Variants in PRDM5 observed in about 807,000 individuals in gnomAD.
PRDM5 encodes PR domain zinc finger protein 5.
In PRDM5, 56 loss-of-function variants were observed where a neutral mutation model predicts 81.2. That is an observed-to-expected ratio of 0.69 (90% CI 0.56 to 0.86). The LOEUF is 0.86. Among genes scored for constraint, PRDM5 ranks in the 40% least tolerant of loss-of-function variants. The pLI is 0.00. For missense variants in PRDM5, 697 were observed against 770.1 expected, an observed-to-expected ratio of 0.91 and a Z score of 1.12; for synonymous variants, 267 against 256.4, an observed-to-expected ratio of 1.04 and a Z score of -0.39.
At chr4:120,830,530 G>C (rs928080148) in intron 3 of PRDM5, among the ~76,000 whole-genome samples, 2 of 151,980 alleles carry the variant, frequency 1.3e-5, no homozygotes, top group Non-Finnish European at 2.9e-5. Flanking sequence ...TTGTTCGTTG[G>C]AGCGGTCTTC....
chr4:120,737,003 A>G (rs1301917036), intron 14 of PRDM5, among the ~76,000 whole-genome samples: 1 of 152,186 alleles, frequency 6.6e-6, no homozygotes, highest in Non-Finnish European at 1.5e-5. Flanking sequence ...GTCCTACAAC[A>G]GCAATAAGTA....
At chr4:120,879,638 T>C (rs952802872) in intron 2 of PRDM5, among the ~76,000 whole-genome samples, 1 of 152,202 alleles carries the variant, frequency 6.6e-6, no homozygotes. Flanking sequence ...ATAATACACA[T>C]AACATACAAA....
intron 2 of PRDM5, among the ~76,000 whole-genome samples, chr4:120,900,834 A>G (rs1329047601): frequency 6.6e-6 from 1 of 152,226 alleles, no homozygotes; most frequent in East Asian, 1.9e-4. Flanking sequence ...CTTAAAAAAA[A>G]GTTTGTTTCA....
chr4:120,837,298 T>C (rs1222001333), intron 3 of PRDM5: 2 of 152,262 alleles, frequency 1.3e-5, no homozygotes, highest in East Asian at 3.8e-4. Flanking sequence ...TCTCATTTCA[T>C]AAGCATGGAT....
rs541687915 is a variant in PRDM5, at chr4:120,715,855, A to G, written c.1624-5442T>C. Among the ~76,000 whole-genome samples, 6 of 152,342 alleles carry G rather than the reference A, an allele frequency of 3.9e-5. No homozygotes were observed. In the South Asian group the frequency reaches 1.0e-3, roughly 26 times the overall value. On this transcript the variant is annotated intron_variant, in intron 14 of 15. Transcript: ENST00000264808. ...TCAAAATGCCACCCTAAGAGCAAGA[A>G]GAGGTATCAGGGAAGAAAAGGCAAT...
chr4:120,753,626 G>A (rs923700516), intron 14 of PRDM5, among the ~76,000 whole-genome samples: 3 of 151,868 alleles, frequency 2.0e-5, no homozygotes, highest in Admixed American at 1.3e-4. Context: ...TTATTTTATA[G>A]CTAAGGTAAA....
At chr4:120,695,399 T>C (rs1458338684) in intron 15 of PRDM5, 124 bp from the exon 16 acceptor site, 7 of 1,078,142 alleles carry the variant, frequency 6.5e-6, no homozygotes, top group Admixed American at 2.1e-5. Context: ...GTGTCCTTTG[T>C]ACCCGAGTCA....
chr4:120,711,686 T>C (rs1737008987), intron 14 of PRDM5, among the ~76,000 whole-genome samples: 1 of 152,090 alleles, frequency 6.6e-6, no homozygotes, highest in African/African-American at 2.4e-5. Flanking sequence ...AAATGAGGCA[T>C]TTTTATTATA....
At chr4:120,834,196 A>G (rs1757068362) in intron 3 of PRDM5, among the ~76,000 whole-genome samples, 1 of 152,152 alleles carries the variant, frequency 6.6e-6, no homozygotes, top group Non-Finnish European at 1.5e-5. Flanking sequence ...TGTTCATTTG[A>G]TCAATGTGAT....
At chr4:120,860,571 T>C (rs1579020170) in intron 2 of PRDM5, among the ~76,000 whole-genome samples, 2 of 152,204 alleles carry the variant, frequency 1.3e-5, no homozygotes, top group East Asian at 1.9e-4. Context: ...TAGGCTTTTT[T>C]ATCACATGAA....
intron 7 of PRDM5, chr4:120,816,036 G>A (rs973673370): frequency 4.6e-6 from 1 of 217,658 alleles, no homozygotes; most frequent in Admixed American, 5.3e-5. Flanking sequence ...TAACTTAGGA[G>A]AACTGTATTT....
In PRDM5 at chr4:120,795,363, A is replaced by G. The variant is rs150792351; in HGVS notation, c.1188+2904T>C. On this transcript the variant is annotated intron_variant, in intron 10 of 15. Coordinates refer to ENST00000264808, the MANE Select transcript of PRDM5 (RefSeq NM_018699.4). ...ACAGGGAACACAATGGAGGGTGAAG[A>G]GTAATTGAACGGTTTCTGTCTCCTC... Among the ~76,000 whole-genome samples, 202 of 152,296 alleles carry G rather than the reference A, an allele frequency of 1.3e-3. 1 individual carries two copies. The highest frequency in any genetic ancestry group is 4.4e-3 in the African/African-American group (183 of 41,564).
At chr4:120,889,334 C>G (rs916993682) in intron 2 of PRDM5, among the ~76,000 whole-genome samples, 3 of 152,090 alleles carry the variant, frequency 2.0e-5, no homozygotes, top group Non-Finnish European at 4.4e-5. Context: ...ACTTTTCCCA[C>G]TATATCATTA....
intron 3 of PRDM5, chr4:120,839,058 G>A (rs1041675280): frequency 1.6e-5 from 9 of 578,154 alleles, no homozygotes; most frequent in Non-Finnish European, 2.5e-5. Flanking sequence ...AGGGAACACA[G>A]TGGCATCCAG....
intron 12 of PRDM5, among the ~76,000 whole-genome samples, chr4:120,777,841 A>G (rs1424204570): frequency 6.6e-6 from 1 of 152,134 alleles, no homozygotes; most frequent in Non-Finnish European, 1.5e-5. Context: ...TGCCCTCAAC[A>G]TGCCTTTAAT....
intron 2 of PRDM5, among the ~76,000 whole-genome samples, chr4:120,872,357 C>T (rs343205): frequency 0.43 from 64,707 of 151,474 alleles, 14,066 homozygotes; most frequent in Non-Finnish European, 0.47. Flanking sequence ...CGAGGGATTA[C>T]TATTCAGCCT....
At chr4:120,770,063 C>T (rs1267212546) in intron 13 of PRDM5, among the ~76,000 whole-genome samples, 2 of 152,072 alleles carry the variant, frequency 1.3e-5, no homozygotes, top group African/African-American at 2.4e-5. Context: ...GGTGGAGTCT[C>T]GTTCTGTCGC....
downstream of PRDM5, among the ~76,000 whole-genome samples, chr4:120,688,072 G>T (rs1422662160): frequency 6.6e-6 from 1 of 152,018 alleles, no homozygotes; most frequent in East Asian, 1.9e-4. Context: ...TCCCATAGTG[G>T]CTGTACCATT....
At chr4:120,820,112 C>G (rs1463012733) in intron 4 of PRDM5, among the ~76,000 whole-genome samples, 1 of 152,208 alleles carries the variant, frequency 6.6e-6, no homozygotes, top group Non-Finnish European at 1.5e-5. Flanking sequence ...TACGTTGAAA[C>G]TGAAACCGCA....
Sources: gnomAD v4.1 joint callset for allele counts (sites outside exome capture counted in the v4.1 genomes callset) on GRCh38, gnomAD v4.1.1 for gene constraint, MANE v1.5 for transcripts, NCBI Gene and HGNC (gene_info 2026-07-23, HGNC 2026-07-21) for gene names.